The following DNM2 variants were observed in gnomAD, a reference collection of about 807,000 sequenced individuals.
The protein encoded by DNM2 is dynamin 2, also known as dynamin-2.
DNM2 carries 15 observed loss-of-function variants against 99.0 expected under a neutral mutation model. The observed-to-expected ratio is 0.15, with a 90% CI of 0.10 to 0.23. The LOEUF (loss-of-function observed/expected upper bound fraction) is 0.23, where lower values mean the gene tolerates loss of function less well. DNM2 is among the 10% of genes least tolerant of loss of function. DNM2 has a pLI of 1.00. For synonymous variants in DNM2, 525 were observed against 481.2 expected, an observed-to-expected ratio of 1.09 and a Z score of -1.19; for missense variants, 742 against 1,189.4, an observed-to-expected ratio of 0.62 and a Z score of 5.53.
rs2068817069 is a variant in DNM2 at position 10,718,233 on chromosome 19, C to T, written c.-10C>T. ...AGCGCAGGGCGCTCGGGCCGGGGGC[C>T]GCCGGCGCCATGGGCAACCGCGGGA... On this transcript the variant is annotated 5_prime_UTR_variant, in exon 1 of 21. Transcript: ENST00000389253. 1.4e-6 allele frequency: 2 copies of T among 1,466,518 alleles called. No individual in the cohort carries two copies. Among genetic ancestry groups the T allele is most frequent in the South Asian group, 1.3e-5 (1 of 75,910 alleles). The allele number at this position is 1,466,518 out of a possible 1,614,324, so 90.8% of individuals were successfully genotyped here.
chr19:10,737,377 C>T (rs1296962346), intron 1 of DNM2, among the ~76,000 whole-genome samples: 1 of 152,124 alleles, frequency 6.6e-6, no homozygotes, highest in Non-Finnish European at 1.5e-5. Flanking sequence ...AGGCTCTCCC[C>T]CTGGCCACTC....
At position 10,830,428 on chromosome 19, in the gene DNM2, TCTC is replaced by T. The variant is rs1165645529; in HGVS notation, c.2543+56_2543+58del. On this transcript the variant is annotated intron_variant, in intron 20 of 20. Transcript: ENST00000389253. The surrounding 1 kb of genome is among the most constrained non-coding windows in gnomAD (Gnocchi z 4.8). Reference sequence around the variant, plus strand: ...CCCCAACTGCCTGCACCCTGGGGTCTCTCCTCCTGTCTCACTTCCTCCCAGTGA... The same window carrying T: ...CCCCAACTGCCTGCACCCTGGGGTCTCTCCTGTCTCACTTCCTCCCAGTGA... 9.5e-6 allele frequency: 15 copies of T among 1,581,042 alleles called. No homozygotes were observed. Among genetic ancestry groups the T allele is most frequent in the South Asian group, 2.2e-5 (2 of 90,124 alleles).
intron 17 of DNM2, chr19:10,824,701 C>T (rs1200933164): frequency 8.6e-6 from 3 of 348,274 alleles, no homozygotes; most frequent in African/African-American, 2.1e-5. Context: ...TACTCCAGGG[C>T]GCTGAGGTGG....
At position 10,818,129 on chromosome 19, in the gene DNM2, G is replaced by C. The variant is rs1187145144; in HGVS notation, c.1672-1851G>C. The stretch of plus-strand genomic sequence containing the variant: ...GGCCCTGTGTTACCCAGCCTTGCCT[G>C]GGATGACGGGTGCAGGCTTTCTTCA... On this transcript the variant is annotated intron_variant, in intron 15 of 20. Coordinates refer to ENST00000389253, the MANE Select transcript of DNM2 (RefSeq NM_001005361.3). The surrounding 1 kb of genome is among the most constrained non-coding windows in gnomAD (Gnocchi z 4.3). Among the ~76,000 whole-genome samples the C allele has an allele frequency of 6.6e-6, 1 of 151,984 alleles. No homozygotes were observed. Among genetic ancestry groups the C allele is most frequent in the Non-Finnish European group, 1.5e-5 (1 of 68,014 alleles).
At chr19:10,761,591 CGG>C (rs890869351) in intron 2 of DNM2, among the ~76,000 whole-genome samples, 5 of 152,100 alleles carry the variant, frequency 3.3e-5, no homozygotes, top group African/African-American at 1.2e-4. Context: ...TGTCTTCTTG[CGG>C]CCCTTTTAAA....
At chr19:10,755,622 G>A (rs1436621455) in intron 1 of DNM2, 3 of 150,634 alleles carry the variant, frequency 2.0e-5, no homozygotes, top group Non-Finnish European at 4.4e-5. Flanking sequence ...CACCACACCC[G>A]GCCAGGGTTT....
At chr19:10,783,700 TTATTA>T (rs1156324040) in intron 6 of DNM2, among the ~76,000 whole-genome samples, 1,228 of 99,472 alleles carry the variant, frequency 0.012, 19 homozygotes, top group African/African-American at 0.034. Context: ...ATTATTATTA[TTATTA>T]TTTTTTATTT....
chr19:10,720,730 A>G (rs1197442676), intron 1 of DNM2, among the ~76,000 whole-genome samples: 1 of 152,078 alleles, frequency 6.6e-6, no homozygotes, highest in Non-Finnish European at 1.5e-5. Context: ...ATCCGGTTTC[A>G]AAAAAAGAAA....
In DNM2 at chr19:10,775,206, A is replaced by C. The variant is rs150779887; in HGVS notation, c.386-497A>C. 3.2e-3 allele frequency among the ~76,000 whole-genome samples: 489 copies of C among 152,160 alleles called. 1 individual carries two copies. Among genetic ancestry groups the C allele is most frequent in the African/African-American group, 0.011 (474 of 41,518 alleles). On this transcript the variant is annotated intron_variant, in intron 3 of 20. Coordinates refer to ENST00000389253, the MANE Select transcript of DNM2 (RefSeq NM_001005361.3). The surrounding 1 kb of genome is among the most constrained non-coding windows in gnomAD (Gnocchi z 4.3). ...AAGTGTTTCTCATGCCTCAGCCTCC[A>C]GAGTAGCTGGGAGTACAAGTGTGTG...
In DNM2 at chr19:10,764,592, CT is replaced by C. The variant is rs1349225650; in HGVS notation, c.235+4783del. 6.6e-6 allele frequency among the ~76,000 whole-genome samples: 1 copy of C among 152,236 alleles called. No homozygotes were observed. The highest frequency in any genetic ancestry group is 1.5e-5 in the Non-Finnish European group (1 of 68,042). On this transcript the variant is annotated intron_variant, in intron 2 of 20. Transcript: ENST00000389253. This position sits in a 1 kb window ranked among gnomAD's most constrained non-coding sequence, Gnocchi z 4.1. ...CTGTGAACCACCCCTCCCCACCGCC[CT>C]TGGCCTTGAACTGGCCTTTGGTGTG...
In DNM2 at chr19:10,786,662, C is replaced by T; in HGVS notation, c.948C>T (p.Asn316=). The stretch of plus-strand genomic sequence containing the variant: ...AGAAGGAGGTGGAGGAGTACAAGAA[C>T]TTTCGGCCCGACGACCCCACCCGCA... ...SLEKEVEEYK[N]FRPDDPTRKT... is the part of the protein sequence containing the mutation. Residue 316 remains asparagine, a synonymous_variant, in exon 7 of 21, where the codon AAC becomes AAT. Coordinates refer to ENST00000389253, the MANE Select transcript of DNM2 (RefSeq NM_001005361.3). 1 of 1,614,174 alleles carries T rather than the reference C, an allele frequency of 6.2e-7. No homozygotes were observed. The highest frequency in any genetic ancestry group is 8.5e-7 in the Non-Finnish European group (1 of 1,180,040).
At position 10,772,976 on chromosome 19, in the gene DNM2, T is replaced by TG. The variant is rs946239946; in HGVS notation, c.385+351dup. 1.8e-5 allele frequency among the ~76,000 whole-genome samples: 2 copies of TG among 109,992 alleles called. No individual in the cohort carries two copies. Among genetic ancestry groups the TG allele is most frequent in the African/African-American group, 3.2e-5 (1 of 30,954 alleles). The allele number at this position is 109,992 out of a possible 152,430, so 72.2% of individuals were successfully genotyped here. A position where few individuals can be genotyped will look rare whatever the true frequency, so the allele number is the denominator to read the frequency against. On this transcript the variant is annotated intron_variant, in intron 3 of 20. Transcript: ENST00000389253. This position sits in a 1 kb window ranked among gnomAD's most constrained non-coding sequence, Gnocchi z 4.9. ...AGAACCAGTCTTCTGTAAAATATCC[T>TG]GGGTTTTTTTTTTTTTTTTTTGAGA... is the stretch of plus-strand genomic sequence containing the variant.
chr19:10,754,914 T>G (rs1025593887), intron 1 of DNM2, among the ~76,000 whole-genome samples: 1 of 152,228 alleles, frequency 6.6e-6, no homozygotes, highest in African/African-American at 2.4e-5. Context: ...TAAATGATTG[T>G]ACCTTGGTAC....
intron 1 of DNM2, among the ~76,000 whole-genome samples, chr19:10,723,132 ATTTTTTTT>A (rs1203412676): frequency 8.8e-6 from 1 of 113,926 alleles, no homozygotes; most frequent in Non-Finnish European, 1.8e-5. Context: ...CACCTGGCTA[ATTTTTTTT>A]TTTTTTTTTT....
chr19:10,819,744 G>A (rs1229877182), intron 15 of DNM2, among the ~76,000 whole-genome samples: 7 of 152,156 alleles, frequency 4.6e-5, no homozygotes, highest in South Asian at 2.1e-4. Flanking sequence ...TAGCCCGGTC[G>A]TCCGAAGGCC....
chr19:10,746,727 G>GTTTTTTTTTTTTTT (rs757494612), intron 1 of DNM2, among the ~76,000 whole-genome samples: 1 of 116,214 alleles, frequency 8.6e-6, no homozygotes. Flanking sequence ...CTTTTTTTTT[G>GTTTTTTTTTTTTTT]TTTTTTGTTT....
chr19:10,787,401 G>T (rs1259464684), intron 7 of DNM2, among the ~76,000 whole-genome samples: 1 of 151,406 alleles, frequency 6.6e-6, no homozygotes, highest in African/African-American at 2.4e-5. Flanking sequence ...AACCCAGGAG[G>T]TGGAGCTTTC....
chr19:10,803,741 C>T, intron 12 of DNM2: 1 of 959,750 alleles, frequency 1.0e-6, no homozygotes, highest in Non-Finnish European at 1.2e-6. Context: ...GGCCCCAGCC[C>T]TGGGTGGGAC....
At position 10,817,829 on chromosome 19, in the gene DNM2, A is replaced by G. The variant is rs998620005; in HGVS notation, c.1672-2151A>G. On this transcript the variant is annotated intron_variant, in intron 15 of 20. Coordinates refer to ENST00000389253, the MANE Select transcript of DNM2 (RefSeq NM_001005361.3). This position sits in a 1 kb window ranked among gnomAD's most constrained non-coding sequence, Gnocchi z 4.6. ...TGTGTGTGTGTGTGCGCGCGCGCGCACGCGTGCGTGCCGGCAGCACCAGGA... is the reference window on the plus strand; with the variant it reads ...TGTGTGTGTGTGTGCGCGCGCGCGCGCGCGTGCGTGCCGGCAGCACCAGGA... Among the ~76,000 whole-genome samples the G allele has an allele frequency of 6.2e-5, 9 of 144,486 alleles. No individual in the cohort carries two copies. The highest frequency in any genetic ancestry group is 1.4e-4 in the Non-Finnish European group (9 of 64,996). 94.8% of individuals were successfully genotyped at this position (144,486 alleles called of 152,430 possible). A position where few individuals can be genotyped will look rare whatever the true frequency, so the allele number is the denominator to read the frequency against.
Sources: gnomAD v4.1 joint callset for allele counts (sites outside exome capture counted in the v4.1 genomes callset) on GRCh38, gnomAD v4.1.1 for gene constraint, Gnocchi (gnomAD v3.1) non-coding constraint, MANE v1.5 for transcripts, NCBI Gene and HGNC (gene_info 2026-07-23, HGNC 2026-07-21) for gene names.